The following HCN4 variants were observed in gnomAD, a reference collection of about 807,000 sequenced individuals.
HCN4 encodes potassium/sodium hyperpolarization-activated cyclic nucleotide-gated channel 4.
HCN4 carries 29 observed loss-of-function variants against 76.9 expected under a neutral mutation model. The ratio of observed to expected loss-of-function variants is 0.38; its 90% CI spans 0.28 to 0.51. The LOEUF (loss-of-function observed/expected upper bound fraction) is 0.51, where lower values mean the gene tolerates loss of function less well. Ranked by LOEUF, HCN4 falls within the 20% of genes least tolerant of loss-of-function variation. The probability of loss-of-function intolerance (pLI) is 0.90; values close to 1 mark genes in which losing one functional copy is unlikely to be tolerated. For missense variants in HCN4, 1,416 were observed against 1,715.2 expected (o/e 0.83, Z 3.08); for synonymous variants, 772 against 762.5 (o/e 1.01, Z -0.21).
chr15:73,365,442 A>G (rs2043123964), intron 1 of HCN4, among the ~76,000 whole-genome samples: 1 of 152,142 alleles, frequency 6.6e-6, no homozygotes, highest in Admixed American at 6.5e-5. Context: ...TGCCCATTTC[A>G]CAATTCTGCT....
intron 1 of HCN4, among the ~76,000 whole-genome samples, chr15:73,364,542 C>T (rs2043120111): frequency 6.6e-6 from 1 of 152,164 alleles, no homozygotes; most frequent in African/African-American, 2.4e-5. Context: ...GGGAGGAGCC[C>T]GGGGAGCTAT....
Position 73,325,501 on chromosome 15 carries a change from G to A in HCN4, c.1591-57C>T, listed in dbSNP as rs2042894120. 13 of 1,585,204 alleles carry A rather than the reference G, an allele frequency of 8.2e-6. No individual in the cohort carries two copies. The highest frequency in any genetic ancestry group is 1.1e-5 in the Non-Finnish European group (13 of 1,153,814). On this transcript the variant is annotated intron_variant, in intron 4 of 7. Transcript: ENST00000261917. This position sits in a 1 kb window ranked among gnomAD's most constrained non-coding sequence, Gnocchi z 7.4. ...CCCCACCAGGGGGCGTCAGCAGCCAGCCCCACCACCTCGGCAGGCACCACA... is the reference window on the plus strand; with the variant it reads ...CCCCACCAGGGGGCGTCAGCAGCCAACCCCACCACCTCGGCAGGCACCACA...
In HCN4 at chr15:73,367,746, G is replaced by C; in HGVS notation, c.525C>G (p.Ala175=). 1 of 1,570,834 alleles carries C rather than the reference G, an allele frequency of 6.4e-7. No homozygotes were observed. The highest frequency in any genetic ancestry group is 8.6e-7 in the Non-Finnish European group (1 of 1,166,238). ...CCGAGGGCTGCTCGCAGGAGGCGGAGGCCGGCTGCGGTGGCTGCTGGGGCG... is the reference window on the plus strand; with the variant it reads ...CCGAGGGCTGCTCGCAGGAGGCGGACGCCGGCTGCGGTGGCTGCTGGGGCG... ...PPPPQQPPQP[A]SASCEQPSVD... Residue 175 remains alanine, a synonymous_variant, in exon 1 of 8, where the codon GCC becomes GCG. Coordinates refer to ENST00000261917, the MANE Select transcript of HCN4 (RefSeq NM_005477.3). This position sits in a 1 kb window ranked among gnomAD's most constrained non-coding sequence, Gnocchi z 7.5.
chr15:73,367,616 C>T lies in HCN4; in HGVS notation c.655G>A (p.Gly219Arg), dbSNP rs1427997752. 1.2e-6 allele frequency: 2 copies of T among 1,613,202 alleles called. No individual in the cohort carries two copies. The highest frequency in any genetic ancestry group is 1.7e-5 in the Admixed American group (1 of 60,026). The part of the protein sequence containing the change: ...GQAGFMQRQF[G>R]AMLQPGVNKF... ...TTGACCCCGGGTTGGAGCATGGCCC[C>T]GAACTGGCGCTGCATGAAGCCGGCC... Residue 219 changes from glycine (G) to arginine (R), a missense_variant, in exon 1 of 8, where the codon GGG becomes AGG. Gly to Arg is a moderately radical substitution (Grantham distance 125, BLOSUM62 -2). Transcript: ENST00000261917. The surrounding 1 kb of genome is among the most constrained non-coding windows in gnomAD (Gnocchi z 7.5).
intron 1 of HCN4, among the ~76,000 whole-genome samples, chr15:73,362,501 G>A (rs78680002): frequency 0.062 from 9,416 of 152,306 alleles, 431 homozygotes; most frequent in Admixed American, 0.099. Context: ...AAGATCGCCG[G>A]GTGAGTCGGA....
chr15:73,360,246 G>A (rs1055057160), intron 1 of HCN4, among the ~76,000 whole-genome samples: 1 of 152,212 alleles, frequency 6.6e-6, no homozygotes, highest in Admixed American at 6.5e-5. Context: ...CCTCTGGCTG[G>A]GAAGCTGGGG....
intron 4 of HCN4, 127 bp downstream of exon 4, chr15:73,329,445 CT>C (rs2151216919): frequency 1.2e-6 from 1 of 823,422 alleles, no homozygotes; most frequent in East Asian, 2.6e-5. Context: ...CTGCTCTTCC[CT>C]CACACTGGGA....
chr15:73,334,576 C>A (rs1270352794), intron 2 of HCN4, among the ~76,000 whole-genome samples: 1 of 151,980 alleles, frequency 6.6e-6, no homozygotes, highest in African/African-American at 2.4e-5. Context: ...GCTCACCCAA[C>A]CCCCTGGTGT....
chr15:73,354,481 G>C (rs2043069007), intron 1 of HCN4, among the ~76,000 whole-genome samples: 1 of 152,188 alleles, frequency 6.6e-6, no homozygotes, highest in African/African-American at 2.4e-5. Flanking sequence ...AGTCGGCTGT[G>C]GGGTGGGGCC....
chr15:73,322,361 GGT>G lies in HCN4; in HGVS notation c.*118_*119del, dbSNP rs35177144. ...ATTTTCTGCTGTCTTTTGTTTTTCT[GGT>G]GTGTGTGGTTTTTTAAATAATTATT... On this transcript the variant is annotated 3_prime_UTR_variant, in exon 8 of 8. Coordinates refer to ENST00000261917, the MANE Select transcript of HCN4 (RefSeq NM_005477.3). 0.34 allele frequency: 294,950 copies of G among 873,994 alleles called. 53,715 individuals carry two copies. Among genetic ancestry groups the G allele is most frequent in the East Asian group, 0.55 (20,647 of 37,776 alleles). 54.1% of individuals were successfully genotyped at this position (873,994 alleles called of 1,614,324 possible).
intron 3 of HCN4, among the ~76,000 whole-genome samples, chr15:73,331,298 T>G (rs1166026627): frequency 6.6e-6 from 1 of 152,168 alleles, no homozygotes; most frequent in African/African-American, 2.4e-5. Flanking sequence ...TCAGGCTTCA[T>G]CCTGCCTGCC....
In HCN4 at chr15:73,322,567, C is replaced by G. The variant is rs1060500104; in HGVS notation, c.3526G>C (p.Gly1176Arg). 5 of 1,608,524 alleles carry G rather than the reference C, an allele frequency of 3.1e-6. No individual in the cohort carries two copies. The highest frequency in any genetic ancestry group is 1.6e-4 in the Middle Eastern group (1 of 6,072). The change falls in exon 8 of 8, where the codon GGG becomes CGG. Residue 1176 changes from glycine (G) to arginine (R), a missense_variant. This residue lies in a region of HCN4 where 633 missense variants were observed against 579.8 expected (regional missense o/e 1.09). Transcript: ENST00000261917. ...SLFGARATSS[G>R]GPPLTAGPQR... ...GGTCCAGCAGTCAGAGGGGGCCCCC[C>G]AGAAGAGGTGGCTCTTGCCCCAAAC... is the stretch of plus-strand genomic sequence containing the variant.
At chr15:73,354,910 C>A (rs1484571306) in intron 1 of HCN4, among the ~76,000 whole-genome samples, 2 of 152,176 alleles carry the variant, frequency 1.3e-5, no homozygotes, top group African/African-American at 2.4e-5. Context: ...GACAGACCCA[C>A]CCCACAGCGG....
chr15:73,329,431 C>T (rs1156623424), intron 4 of HCN4, 142 bp downstream of exon 4: 2 of 726,350 alleles, frequency 2.8e-6, no homozygotes, highest in Non-Finnish European at 4.6e-6. Flanking sequence ...GTGTCTCCCT[C>T]CTCCTGCTCT....
chr15:73,356,065 G>A (rs1342331694), intron 1 of HCN4, among the ~76,000 whole-genome samples: 1 of 152,206 alleles, frequency 6.6e-6, no homozygotes. Flanking sequence ...ACCCTCTGGG[G>A]AAATTAGGTG....
At chr15:73,359,514 GGGGGC>G (rs1435722043) in intron 1 of HCN4, among the ~76,000 whole-genome samples, 1 of 152,150 alleles carries the variant, frequency 6.6e-6, no homozygotes, top group South Asian at 2.1e-4. Context: ...CTTCCTAAAG[GGGGGC>G]GGGGCACGAA....
intron 2 of HCN4, among the ~76,000 whole-genome samples, chr15:73,340,811 T>G (rs549836648): frequency 6.6e-6 from 1 of 152,152 alleles, no homozygotes; most frequent in East Asian, 1.9e-4. Context: ...CAGTCCCCCA[T>G]GGAGGGGCCC....
intron 1 of HCN4, among the ~76,000 whole-genome samples, chr15:73,364,822 G>T (rs1304427479): frequency 2.6e-5 from 4 of 152,098 alleles, no homozygotes; most frequent in Admixed American, 1.3e-4. Context: ...GCCCACCCTT[G>T]CCCTGGAAAA....
chr15:73,322,971 G>A lies in HCN4; in HGVS notation c.3122C>T (p.Ala1041Val), dbSNP rs1383129906. Residue 1041 changes from alanine (A) to valine (V), a missense_variant, in exon 8 of 8, where the codon GCC (alanine) becomes GTC (valine). By Grantham distance (64) the Ala-to-Val change is moderately conservative (BLOSUM62 0). This residue lies in a region of HCN4 where 633 missense variants were observed against 579.8 expected (regional missense o/e 1.09). Transcript: ENST00000261917. ...SPGPPRTFPS[A>V]PPRASGSHGS... ...GTGGGAGCCAGAGGCCCGGGGCGGG[G>A]CACTCGGGAAGGTTCTTGGGGGGCC... 2.1e-6 allele frequency: 3 copies of A among 1,428,870 alleles called. No individual in the cohort carries two copies. Among genetic ancestry groups the A allele is most frequent in the African/African-American group, 1.4e-5 (1 of 70,094 alleles). The allele number at this position is 1,428,870 out of a possible 1,614,324, so 88.5% of individuals were successfully genotyped here.
Sources: allele counts gnomAD v4.1 joint callset (sites outside exome capture counted in the v4.1 genomes callset), GRCh38; gene constraint gnomAD v4.1.1; regional missense constraint gnomAD v4.1.1; non-coding constraint Gnocchi (gnomAD v3.1); transcripts MANE v1.5; gene names NCBI Gene and HGNC (gene_info 2026-07-23, HGNC 2026-07-21).